SYN3: variants seen among roughly 807,000 people sequenced by gnomAD.
The protein encoded by SYN3 is synapsin III, also known as synapsin-3.
A neutral mutation model predicts 65.8 loss-of-function variants in SYN3; 35 were observed. That is an observed-to-expected ratio of 0.53 (90% confidence interval 0.41 to 0.70). The LOEUF is 0.70. Among genes scored for constraint, SYN3 ranks in the 30% least tolerant of loss-of-function variants. The pLI is 0.00. For synonymous variants in SYN3, 270 were observed against 292.9 expected (o/e 0.92, Z 0.80); for missense variants, 680 against 749.0 (o/e 0.91, Z 1.08).
At chr22:32,558,825 C>T (rs1398271673) in intron 7 of SYN3, among the ~76,000 whole-genome samples, 1 of 152,190 alleles carries the variant, frequency 6.6e-6, no homozygotes, top group East Asian at 1.9e-4. Context: ...CTAACATGGC[C>T]GGGGCTCTGG....
intron 3 of SYN3, among the ~76,000 whole-genome samples, chr22:32,973,628 T>C (rs2052091527): frequency 6.6e-6 from 1 of 152,102 alleles, no homozygotes; most frequent in Non-Finnish European, 1.5e-5. Context: ...CATCTTCCTG[T>C]AGGATTGCAC....
intron 3 of SYN3, among the ~76,000 whole-genome samples, chr22:32,947,104 G>A (rs1165738552): frequency 6.6e-6 from 1 of 152,314 alleles, no homozygotes; most frequent in East Asian, 1.9e-4. Context: ...TCTAAATCTT[G>A]AATTTGACAC....
At chr22:32,842,050 G>C (rs897319692) in intron 6 of SYN3, among the ~76,000 whole-genome samples, 1 of 152,108 alleles carries the variant, frequency 6.6e-6, no homozygotes, top group Non-Finnish European at 1.5e-5. Context: ...AGAGGTTAGG[G>C]GGGAGGCTGC....
At chr22:32,913,293 G>C (rs2050101059) in intron 4 of SYN3, among the ~76,000 whole-genome samples, 1 of 151,796 alleles carries the variant, frequency 6.6e-6, no homozygotes, top group Admixed American at 6.6e-5. Context: ...AGAGTAGCTG[G>C]GACTACAGGC....
At chr22:32,955,519 TC>T (rs2051426505) in intron 3 of SYN3, among the ~76,000 whole-genome samples, 2 of 152,226 alleles carry the variant, frequency 1.3e-5, no homozygotes, top group South Asian at 4.1e-4. Context: ...TTTATGTTTT[TC>T]ATTGTGGTAA....
At chr22:32,897,205 G>T (rs1176541878) in intron 4 of SYN3, among the ~76,000 whole-genome samples, 1 of 152,210 alleles carries the variant, frequency 6.6e-6, no homozygotes, top group Non-Finnish European at 1.5e-5. Context: ...GCCCATGGGT[G>T]TAAGATAAGA....
intron 6 of SYN3, among the ~76,000 whole-genome samples, chr22:32,819,423 T>A (rs1280682462): frequency 1.3e-5 from 2 of 152,246 alleles, no homozygotes; most frequent in African/African-American, 4.8e-5. Context: ...TCTCATTTTT[T>A]ACCTTTTTTT....
intron 6 of SYN3, among the ~76,000 whole-genome samples, chr22:32,609,651 A>AT (rs11426219): frequency 0.23 from 35,437 of 151,272 alleles, 4,335 homozygotes; most frequent in Middle Eastern, 0.28. Flanking sequence ...TAATTAAAAA[A>AT]AAATAAATAA....
Position 32,743,154 on chromosome 22 carries a change from C to CTAG in SYN3, c.711+121760_711+121761insCTA, listed in dbSNP as rs1569188463. 2.0e-5 allele frequency among the ~76,000 whole-genome samples: 3 copies of CTAG among 152,238 alleles called. No individual in the cohort carries two copies. In the South Asian group the frequency reaches 6.2e-4, roughly 32 times the overall value. ...TTAACACTAGCTATTTCAGTTACCC[C>CTAG]CTGAGTGAGTATAAATGTATGATTC... On this transcript the variant is annotated intron_variant, in intron 6 of 13. Transcript: ENST00000358763.
At chr22:32,803,182 C>G (rs760304667) in intron 6 of SYN3, among the ~76,000 whole-genome samples, 2 of 151,946 alleles carry the variant, frequency 1.3e-5, no homozygotes, top group Non-Finnish European at 2.9e-5. Context: ...CTGGGCTGGG[C>G]GGTGGGGTGG....
At chr22:32,527,665 A>G in intron 12 of SYN3, 1 of 395,988 alleles carries the variant, frequency 2.5e-6, no homozygotes, top group South Asian at 5.8e-5. Context: ...AATAAAAGTG[A>G]GAAAATAGGT....
At position 32,803,201 on chromosome 22, in the gene SYN3, T is replaced by G. The variant is rs189824319; in HGVS notation, c.711+61714A>C. 3.4e-3 allele frequency among the ~76,000 whole-genome samples: 519 copies of G among 152,048 alleles called. 3 individuals carry two copies. Among genetic ancestry groups the G allele is most frequent in the Non-Finnish European group, 5.3e-3 (358 of 67,976 alleles). ...GCTGGGCGGTGGGGTGGGACAGCCT[T>G]GCCGCCCTCTGCCTGTGTCGATTCA... On this transcript the variant is annotated intron_variant, in intron 6 of 13. Transcript: ENST00000358763.
chr22:33,029,043 A>AT (rs2053701350), intron 1 of SYN3, among the ~76,000 whole-genome samples: 1 of 151,880 alleles, frequency 6.6e-6, no homozygotes, highest in African/African-American at 2.4e-5. Context: ...CTGTCTCAAA[A>AT]AAAAAAAAGA....
chr22:32,975,373 CAAA>C (rs34119880), intron 3 of SYN3, among the ~76,000 whole-genome samples: 7 of 104,240 alleles, frequency 6.7e-5, no homozygotes, highest in Non-Finnish European at 8.3e-5. Flanking sequence ...GACTCCGCCT[CAAA>C]AAAAAAAAAA....
intron 1 of SYN3, among the ~76,000 whole-genome samples, chr22:33,028,706 G>A (rs930187433): frequency 1.4e-5 from 2 of 145,420 alleles, no homozygotes; most frequent in African/African-American, 2.6e-5. Context: ...GGTGGTGGTG[G>A]TGGTGGTGGG....
intron 6 of SYN3, among the ~76,000 whole-genome samples, chr22:32,724,942 A>G (rs992537806): frequency 2.0e-5 from 3 of 152,148 alleles, no homozygotes; most frequent in African/African-American, 4.8e-5. Flanking sequence ...AACATGGTGA[A>G]ATCCTGTCTC....
At chr22:33,019,140 A>G (rs1427059621) in intron 1 of SYN3, among the ~76,000 whole-genome samples, 1 of 152,168 alleles carries the variant, frequency 6.6e-6, no homozygotes, top group African/African-American at 2.4e-5. Context: ...CTTTCCACAT[A>G]TCCCTAGGAT....
At chr22:32,914,802 A>G (rs2050147002) in intron 4 of SYN3, among the ~76,000 whole-genome samples, 1 of 152,184 alleles carries the variant, frequency 6.6e-6, no homozygotes, top group Non-Finnish European at 1.5e-5. Flanking sequence ...AGCTTATCAC[A>G]TTATATGGCA....
At chr22:33,045,507 G>A (rs372382711) in intron 1 of SYN3, among the ~76,000 whole-genome samples, 113 of 113,194 alleles carry the variant, frequency 1.0e-3, no homozygotes, top group East Asian at 1.4e-3. Flanking sequence ...TCGCTCTGTC[G>A]CCCAGGCTGG....
Sources: allele counts gnomAD v4.1 joint callset (sites outside exome capture counted in the v4.1 genomes callset), GRCh38; gene constraint gnomAD v4.1.1; transcripts MANE v1.5; gene names NCBI Gene and HGNC (gene_info 2026-07-23, HGNC 2026-07-21).